Variants in KHDRBS2 observed in about 807,000 individuals in gnomAD.
KHDRBS2 encodes KH domain-containing, RNA-binding, signal transduction-associated protein 2.
A neutral mutation model predicts 44.3 loss-of-function variants in KHDRBS2; 26 were observed. The ratio of observed to expected loss-of-function variants is 0.59; its 90% confidence interval spans 0.43 to 0.81. The LOEUF (loss-of-function observed/expected upper bound fraction) is 0.81, where lower values mean the gene tolerates loss of function less well. Ranked by LOEUF, KHDRBS2 falls within the 40% of genes least tolerant of loss-of-function variation. The pLI is 0.00. For missense variants in KHDRBS2, 476 were observed against 433.1 expected (o/e 1.10, Z -0.88); for synonymous variants, 194 against 151.1 (o/e 1.28, Z -2.08).
chr6:62,195,879 A>C (rs1036538906), intron 1 of KHDRBS2, among the ~76,000 whole-genome samples: 1 of 152,170 alleles, frequency 6.6e-6, no homozygotes, highest in Admixed American at 6.6e-5. Context: ...AGAAAAAAAG[A>C]ACAGAACTAA....
chr6:61,684,986 A>G (rs1181725016), intron 8 of KHDRBS2, among the ~76,000 whole-genome samples: 1 of 151,718 alleles, frequency 6.6e-6, no homozygotes, highest in African/African-American at 2.4e-5. Flanking sequence ...GCCAGTTACT[A>G]TACTATGTCC....
chr6:61,851,464 A>G (rs983025719), intron 6 of KHDRBS2, among the ~76,000 whole-genome samples: 1 of 152,104 alleles, frequency 6.6e-6, no homozygotes, highest in African/African-American at 2.4e-5. Flanking sequence ...CGCAGCTTTT[A>G]AAGAGGTAAT....
At chr6:61,840,012 TC>T (rs1271787931) in intron 6 of KHDRBS2, among the ~76,000 whole-genome samples, 1 of 152,122 alleles carries the variant, frequency 6.6e-6, no homozygotes, top group Non-Finnish European at 1.5e-5. Flanking sequence ...AGTAAAATAA[TC>T]TATTCAGTTT....
intron 2 of KHDRBS2, among the ~76,000 whole-genome samples, chr6:62,057,303 G>A (rs575930736): frequency 1.3e-5 from 2 of 151,900 alleles, no homozygotes; most frequent in South Asian, 2.1e-4. Context: ...GGCTCAGAAG[G>A]CTTTTCCATG....
chr6:62,133,335 C>A (rs1810781960), intron 2 of KHDRBS2, among the ~76,000 whole-genome samples: 1 of 152,176 alleles, frequency 6.6e-6, no homozygotes, highest in Non-Finnish European at 1.5e-5. Flanking sequence ...CTCATGAGAT[C>A]TGATAGTTTT....
At chr6:61,609,373 C>T in the KHDRBS2 span, among the ~76,000 whole-genome samples, 10 of 151,998 alleles carry the variant, frequency 6.6e-5, no homozygotes, top group South Asian at 4.2e-4. Context: ...TCGGCAATGA[C>T]GACAACAAAA....
At chr6:62,109,751 AAGG>A (rs1362417338) in intron 2 of KHDRBS2, among the ~76,000 whole-genome samples, 2 of 151,582 alleles carry the variant, frequency 1.3e-5, no homozygotes, top group African/African-American at 4.8e-5. Flanking sequence ...GGAGAAGAAG[AAGG>A]AGAAGGAATT....
At chr6:62,116,772 AC>A (rs923824195) in intron 2 of KHDRBS2, among the ~76,000 whole-genome samples, 9 of 151,224 alleles carry the variant, frequency 6.0e-5, no homozygotes, top group African/African-American at 1.9e-4. Flanking sequence ...GCGCCCTCCC[AC>A]CCCTCTCAGC....
chr6:62,209,366 T>C (rs1424655274), intron 1 of KHDRBS2, among the ~76,000 whole-genome samples: 1 of 152,196 alleles, frequency 6.6e-6, no homozygotes, highest in Non-Finnish European at 1.5e-5. Context: ...ACATATTTTG[T>C]TAAAGGAAAT....
chr6:62,038,939 T>C (rs1785890657), intron 3 of KHDRBS2, among the ~76,000 whole-genome samples: 1 of 152,096 alleles, frequency 6.6e-6, no homozygotes, highest in Non-Finnish European at 1.5e-5. Flanking sequence ...ATTAATAATG[T>C]ATTGTATGTT....
At chr6:62,108,129 A>G (rs1357990882) in intron 2 of KHDRBS2, among the ~76,000 whole-genome samples, 2 of 152,166 alleles carry the variant, frequency 1.3e-5, no homozygotes, top group Non-Finnish European at 2.9e-5. Flanking sequence ...CTGCACAGCA[A>G]AAGAAACTAC....
chr6:61,980,716 C>T (rs1773658656), intron 3 of KHDRBS2, among the ~76,000 whole-genome samples: 1 of 152,090 alleles, frequency 6.6e-6, no homozygotes, highest in Non-Finnish European at 1.5e-5. Flanking sequence ...AAAACTACAC[C>T]TCAGCTAAAC....
At position 62,280,722 on chromosome 6, in the gene KHDRBS2, T is replaced by C. The variant is rs527995212; in HGVS notation, c.91+5136A>G. ...CAAGTGAAAGAAGTATTCTATTTCT[T>C]CAAATTATTCACATTGAATCATGTT... is the stretch of plus-strand genomic sequence containing the variant. On this transcript the variant is annotated intron_variant, in intron 1 of 8. Coordinates refer to ENST00000281156, the MANE Select transcript of KHDRBS2 (RefSeq NM_152688.4). Among the ~76,000 whole-genome samples the C allele has an allele frequency of 2.0e-4, 31 of 152,332 alleles. No homozygotes were observed. The South Asian group carries it at 6.4e-3, about 32-fold the overall frequency.
At chr6:61,760,639 A>T (rs1225572574) in intron 6 of KHDRBS2, among the ~76,000 whole-genome samples, 1 of 152,120 alleles carries the variant, frequency 6.6e-6, no homozygotes, top group Non-Finnish European at 1.5e-5. Flanking sequence ...CTCAAGCAGA[A>T]AAAAGGAAAA....
At chr6:62,132,464 A>G (rs1031116373) in intron 2 of KHDRBS2, among the ~76,000 whole-genome samples, 7 of 152,180 alleles carry the variant, frequency 4.6e-5, no homozygotes, top group African/African-American at 1.7e-4. Flanking sequence ...ATGGAGACCA[A>G]TATCTTGTCT....
chr6:61,993,234 T>C (rs972097624), intron 3 of KHDRBS2, among the ~76,000 whole-genome samples: 1 of 152,092 alleles, frequency 6.6e-6, no homozygotes, highest in African/African-American at 2.4e-5. Flanking sequence ...GAAAATATGT[T>C]TGCCAGGAGA....
chr6:61,923,618 T>C (rs576770666), intron 4 of KHDRBS2, among the ~76,000 whole-genome samples: 2 of 151,986 alleles, frequency 1.3e-5, no homozygotes, highest in South Asian at 2.1e-4. Flanking sequence ...TTTAACAAAA[T>C]CCAATATTCA....
At chr6:62,199,407 A>G (rs1422853182) in intron 1 of KHDRBS2, among the ~76,000 whole-genome samples, 3 of 152,222 alleles carry the variant, frequency 2.0e-5, no homozygotes, top group Non-Finnish European at 4.4e-5. Flanking sequence ...ATACAAAATC[A>G]ATGTGCAAAA....
intron 7 of KHDRBS2, among the ~76,000 whole-genome samples, chr6:61,726,752 G>A (rs1338460794): frequency 5.3e-5 from 8 of 151,942 alleles, no homozygotes; most frequent in South Asian, 2.1e-4. Flanking sequence ...ACTACAAACC[G>A]CTGCTCAAGG....
Sources: allele counts gnomAD v4.1 joint callset (sites outside exome capture counted in the v4.1 genomes callset), GRCh38; gene constraint gnomAD v4.1.1; transcripts MANE v1.5; gene names NCBI Gene and HGNC (gene_info 2026-07-23, HGNC 2026-07-21).